The following DEPDC5 variants were observed in gnomAD, a reference collection of about 807,000 sequenced individuals.
DEPDC5 encodes DEP domain containing 5, GATOR1 subcomplex subunit.
A neutral mutation model predicts 217.3 loss-of-function variants in DEPDC5; 73 were observed. The ratio of observed to expected loss-of-function variants is 0.34; its 90% confidence interval spans 0.28 to 0.41. DEPDC5 has a LOEUF of 0.41. Ranked by LOEUF, DEPDC5 falls within the 10% of genes least tolerant of loss-of-function variation. The pLI is 1.00. For synonymous variants in DEPDC5, 733 were observed against 756.7 expected (o/e 0.97, Z 0.51); for missense variants, 1,675 against 2,070.1 (o/e 0.81, Z 3.70).
chr22:31,837,158 C>A lies in DEPDC5; in HGVS notation c.2354+3C>A, dbSNP rs917412733. The A allele has an allele frequency of 1.2e-6, 2 of 1,613,980 alleles. No homozygotes were observed. Among genetic ancestry groups the A allele is most frequent in the Non-Finnish European group, 1.7e-6 (2 of 1,179,946 alleles). On this transcript the variant is annotated splice_donor_region_variant and intron_variant, in intron 26 of 42. Coordinates refer to ENST00000651528, the MANE Select transcript of DEPDC5 (RefSeq NM_001242896.3). ...CTTCCAGAAGCAGACATCGACAGGT[C>A]AGTGTCAGAGAAAAAGGCACTTGGC...
intron 18 of DEPDC5, among the ~76,000 whole-genome samples, chr22:31,807,024 A>G (rs968201692): frequency 6.6e-6 from 1 of 152,172 alleles, no homozygotes; most frequent in Non-Finnish European, 1.5e-5. Flanking sequence ...GAAACAAACA[A>G]ACCAAGAAAA....
chr22:31,878,600 C>T (rs1336210043), intron 37 of DEPDC5, among the ~76,000 whole-genome samples: 1 of 151,568 alleles, frequency 6.6e-6, no homozygotes, highest in East Asian at 1.9e-4. Flanking sequence ...GTCTTCACAG[C>T]TACTCAAGAA....
At chr22:31,801,724 C>G (rs2086885744) in intron 14 of DEPDC5, among the ~76,000 whole-genome samples, 1 of 152,122 alleles carries the variant, frequency 6.6e-6, no homozygotes, top group Non-Finnish European at 1.5e-5. Flanking sequence ...CTGATCTGTT[C>G]AGCTCCAGTT....
intron 24 of DEPDC5, among the ~76,000 whole-genome samples, chr22:31,827,694 C>T (rs1602215373): frequency 6.6e-6 from 1 of 152,284 alleles, no homozygotes; most frequent in East Asian, 1.9e-4. Context: ...GCTCAGTCCT[C>T]GTCTCCTGCT....
chr22:31,838,601 C>G (rs1736600999), intron 26 of DEPDC5, 84 bp from the exon 27 acceptor site: 2 of 1,539,930 alleles, frequency 1.3e-6, no homozygotes, highest in South Asian at 1.2e-5. Flanking sequence ...GGGGATGAAG[C>G]AAAGGAGATG....
intron 33 of DEPDC5, among the ~76,000 whole-genome samples, chr22:31,864,506 A>ATATATATATATATT (rs2092620934): frequency 7.4e-6 from 1 of 135,462 alleles, no homozygotes; most frequent in African/African-American, 2.9e-5. Context: ...ATTAAAATAT[A>ATATATATATATATT]TATATATATA....
chr22:31,871,051 G>T (rs2092827969), intron 34 of DEPDC5, among the ~76,000 whole-genome samples: 1 of 152,216 alleles, frequency 6.6e-6, no homozygotes. Context: ...TGGTGCCTGT[G>T]GCACAATGTC....
rs1296781205 is a variant in DEPDC5, at chr22:31,906,250, GGCA to G, written c.4571_4573del (p.Gln1524del). On this transcript the variant is annotated inframe_deletion, in exon 43 of 43. Transcript: ENST00000651528. The surrounding 1 kb of genome is among the most constrained non-coding windows in gnomAD (Gnocchi z 5.1). ...CCCTACTCCAAGCGCAAGTTCTCAGGGCAGCAGCGGCGGCGGCGGAACTCCACC... is the reference window on the plus strand; with the variant it reads ...CCCTACTCCAAGCGCAAGTTCTCAGGGCAGCGGCGGCGGCGGAACTCCACC... 1.9e-6 allele frequency: 3 copies of G among 1,613,868 alleles called. No individual in the cohort carries two copies. The highest frequency in any genetic ancestry group is 2.7e-5 in the African/African-American group (2 of 74,920).
chr22:31,820,152 C>G (rs888473559), intron 22 of DEPDC5, among the ~76,000 whole-genome samples: 3 of 152,062 alleles, frequency 2.0e-5, no homozygotes, highest in Non-Finnish European at 4.4e-5. Flanking sequence ...CACTCTGTTA[C>G]GTAGGCTGGA....
Position 31,900,449 on chromosome 22 carries a change from T to TG in DEPDC5, c.4376-1288dup, listed in dbSNP as rs1166237806. ...TGGGAAGATTGGTAATACAAAAAAG[T>TG]GGGGGTGGGCCGAGTGTAGTGCCTC... On this transcript the variant is annotated intron_variant, in intron 40 of 42. Transcript: ENST00000651528. Among the ~76,000 whole-genome samples the TG allele has an allele frequency of 2.6e-5, 4 of 151,864 alleles. No homozygotes were observed. The East Asian group carries it at 7.8e-4, about 30-fold the overall frequency.
rs373980278 is a variant in DEPDC5 at position 31,907,385 on chromosome 22, G to GT, written c.*896dup. On this transcript the variant is annotated 3_prime_UTR_variant, in exon 43 of 43. Transcript: ENST00000651528. Reference sequence around the variant, plus strand: ...TCTAACTTAGGTTTTTTTTGTTGTTGTTTTTTTTGTTGTTTTTTTTGACAC... The same window carrying GT: ...TCTAACTTAGGTTTTTTTTGTTGTTGTTTTTTTTTGTTGTTTTTTTTGACAC... 0.053 allele frequency: 7,972 copies of GT among 150,462 alleles called. 500 individuals are homozygous for GT. Among genetic ancestry groups the GT allele is most frequent in the African/African-American group, 0.14 (5,540 of 40,642 alleles). 9.3% of individuals were successfully genotyped at this position (150,462 alleles called of 1,614,324 possible). A position where few individuals can be genotyped will look rare whatever the true frequency, so the allele number is the denominator to read the frequency against.
rs771036041 is a variant in DEPDC5, at chr22:31,810,665, G to A, written c.1445+24G>A. Reference sequence around the variant, plus strand: ...AGGTTTTCTGCCAGATTCACTTGGGGGTGCATATAAAAATTGTGTAGGAAA... The same window carrying A: ...AGGTTTTCTGCCAGATTCACTTGGGAGTGCATATAAAAATTGTGTAGGAAA... On this transcript the variant is annotated intron_variant, in intron 20 of 42. Coordinates refer to ENST00000651528, the MANE Select transcript of DEPDC5 (RefSeq NM_001242896.3). The A allele has an allele frequency of 9.9e-6, 16 of 1,612,838 alleles. No individual in the cohort carries two copies. In the South Asian group the frequency reaches 1.3e-4, roughly 13 times the overall value.
intron 14 of DEPDC5, among the ~76,000 whole-genome samples, chr22:31,799,146 C>T (rs1287865537): frequency 1.3e-5 from 2 of 150,666 alleles, no homozygotes; most frequent in African/African-American, 4.9e-5. Context: ...TGGGTTCAGG[C>T]GATTCTCCTG....
chr22:31,805,118 A>G, intron 17 of DEPDC5: 1 of 424,456 alleles, frequency 2.4e-6, no homozygotes, highest in Non-Finnish European at 4.2e-6. Context: ...GAAAAAGAAT[A>G]AAAACAAAAT....
chr22:31,862,195 T>C (rs2092540293), intron 33 of DEPDC5, among the ~76,000 whole-genome samples: 2 of 151,642 alleles, frequency 1.3e-5, no homozygotes, highest in Admixed American at 1.3e-4. Context: ...TGAGCCGAGA[T>C]CGTGCCATTG....
chr22:31,768,740 TAATC>T, intron 6 of DEPDC5, 70 bp from the exon 7 acceptor site: 1 of 1,309,384 alleles, frequency 7.6e-7, no homozygotes, highest in South Asian at 1.3e-5. Context: ...CTTAATATGT[TAATC>T]AATCTCTCTC....
At chr22:31,788,895 T>C (rs1280942138) in intron 10 of DEPDC5, among the ~76,000 whole-genome samples, 1 of 151,550 alleles carries the variant, frequency 6.6e-6, no homozygotes, top group Non-Finnish European at 1.5e-5. Flanking sequence ...TTATTTTATT[T>C]ATTTATGTAT....
chr22:31,772,273 C>T (rs2083433392), intron 7 of DEPDC5, among the ~76,000 whole-genome samples: 1 of 152,094 alleles, frequency 6.6e-6, no homozygotes, highest in Admixed American at 6.6e-5. Context: ...TTCTTTAAAA[C>T]ATCCAAGCAA....
intron 24 of DEPDC5, among the ~76,000 whole-genome samples, chr22:31,828,188 C>T (rs555714220): frequency 1.6e-4 from 25 of 152,310 alleles, no homozygotes; most frequent in South Asian, 8.3e-4. Flanking sequence ...CAGTGGCTCA[C>T]GCCTGTAATC....
Sources: gnomAD v4.1 joint callset for allele counts (sites outside exome capture counted in the v4.1 genomes callset) on GRCh38, gnomAD v4.1.1 for gene constraint, Gnocchi (gnomAD v3.1) non-coding constraint, MANE v1.5 for transcripts, NCBI Gene and HGNC (gene_info 2026-07-23, HGNC 2026-07-21) for gene names.